SLC71A2: variants seen among roughly 807,000 people sequenced by gnomAD.
SLC71A2 encodes hippocampus abundant transcript-like 1.
chr9:94,430,486 G>A, the SLC71A2 span, among the ~76,000 whole-genome samples: 12 of 152,100 alleles, frequency 7.9e-5, no homozygotes, highest in African/African-American at 2.7e-4. Flanking sequence ...GCCTCCCACA[G>A]TCTTGCAATC....
chr9:94,441,041 TA>T, the SLC71A2 span: 1 of 1,612,202 alleles, frequency 6.2e-7, no homozygotes, highest in South Asian at 1.1e-5. Flanking sequence ...TTTTCTGTTA[TA>T]TTTGCCTATG....
chr9:94,458,215 A>G, the SLC71A2 span: 1 of 910,468 alleles, frequency 1.1e-6, no homozygotes, highest in Non-Finnish European at 1.6e-6. Flanking sequence ...TCTTTTCCTC[A>G]GTCTTGCCGA....
chr9:94,402,970 G>A, the SLC71A2 span, among the ~76,000 whole-genome samples: 11 of 152,032 alleles, frequency 7.2e-5, no homozygotes. Flanking sequence ...ACCACTATCT[G>A]TCTCTAGAAT....
the SLC71A2 span, among the ~76,000 whole-genome samples, chr9:94,416,613 T>C: frequency 6.6e-6 from 1 of 152,042 alleles, no homozygotes; most frequent in Non-Finnish European, 1.5e-5. Context: ...CCAGCACTTT[T>C]GGAGGCCAAG....
At chr9:94,451,761 CTTTTT>C in the SLC71A2 span, among the ~76,000 whole-genome samples, 1 of 152,034 alleles carries the variant, frequency 6.6e-6, no homozygotes, top group East Asian at 1.9e-4. Flanking sequence ...AGGTTATTTT[CTTTTT>C]TGAGGTTGTA....
the SLC71A2 span, chr9:94,454,059 A>T: frequency 1.2e-6 from 2 of 1,611,774 alleles, no homozygotes; most frequent in Non-Finnish European, 1.7e-6. Context: ...ACGGTTTTGG[A>T]TCACAGGCCT....
the SLC71A2 span, among the ~76,000 whole-genome samples, chr9:94,377,384 GTT>G: frequency 9.0e-5 from 13 of 143,932 alleles, no homozygotes; most frequent in Admixed American, 2.1e-4. Context: ...TGTTTTCTGT[GTT>G]TTTTTTTTTG....
chr9:94,437,667 T>C, the SLC71A2 span, among the ~76,000 whole-genome samples: 1 of 148,474 alleles, frequency 6.7e-6, no homozygotes, highest in Non-Finnish European at 1.5e-5. Flanking sequence ...CTGGGGATAG[T>C]ATATGGTGTA....
the SLC71A2 span, among the ~76,000 whole-genome samples, chr9:94,433,539 G>A: frequency 2.6e-3 from 392 of 151,316 alleles, 1 homozygote; most frequent in African/African-American, 9.2e-3. Flanking sequence ...GGGTGTGCCA[G>A]AGACATCCTC....
the SLC71A2 span, among the ~76,000 whole-genome samples, chr9:94,396,293 A>T: frequency 6.6e-6 from 1 of 151,798 alleles, no homozygotes; most frequent in Non-Finnish European, 1.5e-5. Context: ...AGGCAGACGG[A>T]TTGCCTGAGC....
chr9:94,420,828 G>GAATC, the SLC71A2 span, among the ~76,000 whole-genome samples: 39 of 152,224 alleles, frequency 2.6e-4, no homozygotes, highest in African/African-American at 8.4e-4. Context: ...GAACCCAGGA[G>GAATC]GCAGTGATTG....
chr9:94,383,744 G>A, the SLC71A2 span, among the ~76,000 whole-genome samples: 6 of 152,024 alleles, frequency 3.9e-5, no homozygotes, highest in African/African-American at 1.4e-4. Context: ...TGTTTGGAAA[G>A]AATTGATCAA....
At chr9:94,388,785 T>C in the SLC71A2 span, among the ~76,000 whole-genome samples, 1 of 152,144 alleles carries the variant, frequency 6.6e-6, no homozygotes, top group Non-Finnish European at 1.5e-5. Context: ...TTTATTTTCA[T>C]TTATACGTTT....
chr9:94,445,078 G>A, the SLC71A2 span: 1 of 1,614,062 alleles, frequency 6.2e-7, no homozygotes, highest in Non-Finnish European at 8.5e-7. Flanking sequence ...GGCTCTTCTG[G>A]ACATCTGCTT....
the SLC71A2 span, chr9:94,460,468 GT>G: frequency 8.5e-5 from 13 of 152,202 alleles, no homozygotes; most frequent in Non-Finnish European, 1.6e-4. Flanking sequence ...CGCACATTAA[GT>G]TCCTTTCTAA....
chr9:94,380,264 C>G, the SLC71A2 span, among the ~76,000 whole-genome samples: 1 of 151,366 alleles, frequency 6.6e-6, no homozygotes, highest in South Asian at 2.1e-4. Flanking sequence ...GAGCGAGACT[C>G]TTTCTCAAAA....
the SLC71A2 span, among the ~76,000 whole-genome samples, chr9:94,378,364 C>T: frequency 2.6e-5 from 4 of 152,134 alleles, no homozygotes; most frequent in African/African-American, 9.6e-5. Context: ...GAGGAGGTGC[C>T]AGGCTCCTTT....
the SLC71A2 span, among the ~76,000 whole-genome samples, chr9:94,455,182 GAGA>G: frequency 8.5e-5 from 1 of 11,702 alleles, no homozygotes; most frequent in Non-Finnish European, 1.3e-4. Context: ...TTTTTTTTTT[GAGA>G]GAGAGAGGGT....
At chr9:94,422,722 C>A in the SLC71A2 span, among the ~76,000 whole-genome samples, 1 of 151,856 alleles carries the variant, frequency 6.6e-6, no homozygotes, top group African/African-American at 2.4e-5. Context: ...TTACGTATAA[C>A]ATATATTTAT....
Sources: gnomAD v4.1 joint callset for allele counts (sites outside exome capture counted in the v4.1 genomes callset) on GRCh38, gnomAD v4.1.1 for gene constraint, MANE v1.5 for transcripts, NCBI Gene and HGNC (gene_info 2026-07-23, HGNC 2026-07-21) for gene names.